The following TMEM38B variants were observed in gnomAD, a reference collection of about 807,000 sequenced individuals.
The protein encoded by TMEM38B is transmembrane protein 38B.
TMEM38B carries 24 observed loss-of-function variants against 28.7 expected under a neutral mutation model. That is an observed-to-expected ratio of 0.84 (90% CI 0.61 to 1.18). The LOEUF is 1.18. Ranked by LOEUF, TMEM38B falls within the 50% of genes most tolerant of loss-of-function variation. TMEM38B has a pLI of 0.00. For missense variants in TMEM38B, 380 were observed against 350.9 expected (o/e 1.08, Z -0.66); for synonymous variants, 131 against 127.7 (o/e 1.03, Z -0.17).
intron 4 of TMEM38B, among the ~76,000 whole-genome samples, chr9:105,728,758 A>G (rs1836619010): frequency 6.6e-6 from 1 of 152,094 alleles, no homozygotes; most frequent in Admixed American, 6.5e-5. Flanking sequence ...TTGACTTTTT[A>G]ATGATCGCCC....
At chr9:105,740,562 G>A (rs1325671059) in intron 4 of TMEM38B, among the ~76,000 whole-genome samples, 1 of 152,028 alleles carries the variant, frequency 6.6e-6, no homozygotes, top group Non-Finnish European at 1.5e-5. Context: ...CACCACGCCC[G>A]GCCCCTAGGT....
chr9:105,731,371 A>G (rs1163776862), intron 4 of TMEM38B, among the ~76,000 whole-genome samples: 1 of 151,918 alleles, frequency 6.6e-6, no homozygotes, highest in East Asian at 1.9e-4. Flanking sequence ...TTTGTTACAT[A>G]TGTATACATG....
intron 2 of TMEM38B, among the ~76,000 whole-genome samples, chr9:105,721,327 C>G (rs1564394300): frequency 6.6e-6 from 1 of 152,136 alleles, no homozygotes; most frequent in Non-Finnish European, 1.5e-5. Context: ...CTTCTCTGAT[C>G]ATGACTTTTT....
intron 4 of TMEM38B, among the ~76,000 whole-genome samples, chr9:105,737,348 A>T (rs1837021294): frequency 1.1e-5 from 1 of 94,664 alleles, no homozygotes; most frequent in South Asian, 2.8e-4. Flanking sequence ...AGGGAGTAAG[A>T]GTCCCAGAGT....
chr9:105,727,487 A>T (rs1836557166), intron 4 of TMEM38B, among the ~76,000 whole-genome samples: 2 of 152,142 alleles, frequency 1.3e-5, no homozygotes, highest in Admixed American at 1.3e-4. Context: ...TGGATTTCAG[A>T]TATTTTTGGA....
intron 1 of TMEM38B, among the ~76,000 whole-genome samples, chr9:105,703,612 G>A (rs9299109): frequency 0.21 from 31,557 of 151,930 alleles, 5,062 homozygotes; most frequent in East Asian, 0.46. Flanking sequence ...AGATCCCTGA[G>A]TAATCGCCAC....
intron 5 of TMEM38B, among the ~76,000 whole-genome samples, chr9:105,768,213 T>C (rs1396162726): frequency 1.3e-5 from 2 of 152,142 alleles, no homozygotes; most frequent in Non-Finnish European, 2.9e-5. Context: ...TATATTCTGT[T>C]AATATAGTGG....
At chr9:105,738,093 A>G (rs1265797900) in intron 4 of TMEM38B, among the ~76,000 whole-genome samples, 2 of 152,104 alleles carry the variant, frequency 1.3e-5, no homozygotes, top group South Asian at 2.1e-4. Context: ...TCTGCTTTCA[A>G]GATGGTGTAG....
intron 5 of TMEM38B, chr9:105,758,654 G>C: frequency 1.3e-6 from 1 of 797,626 alleles, no homozygotes; most frequent in East Asian, 2.5e-5. Flanking sequence ...CTGCAACTTA[G>C]CCATTTAAAA....
chr9:105,709,323 A>G (rs1835807406), intron 2 of TMEM38B, among the ~76,000 whole-genome samples: 1 of 152,176 alleles, frequency 6.6e-6, no homozygotes, highest in Non-Finnish European at 1.5e-5. Context: ...AAAACAAATC[A>G]TTTTTTAATT....
At chr9:105,772,224 T>C (rs1979993) in intron 5 of TMEM38B, among the ~76,000 whole-genome samples, 32,205 of 152,134 alleles carry the variant, frequency 0.21, 5,318 homozygotes, top group East Asian at 0.47. Flanking sequence ...TGGATTCTCA[T>C]CCTTCTTATG....
At chr9:105,710,233 G>T (rs1835851193) in intron 2 of TMEM38B, 1 of 530,232 alleles carries the variant, frequency 1.9e-6, no homozygotes, top group East Asian at 3.4e-5. Context: ...TCCACTTTCA[G>T]ATCTTTCTTG....
chr9:105,765,212 A>T (rs187786297), intron 5 of TMEM38B, among the ~76,000 whole-genome samples: 1 of 152,198 alleles, frequency 6.6e-6, no homozygotes, highest in South Asian at 2.1e-4. Context: ...TTGAGATTAA[A>T]ATTATTTGGG....
chr9:105,758,003 G>A (rs914151665), intron 5 of TMEM38B, among the ~76,000 whole-genome samples: 17 of 152,160 alleles, frequency 1.1e-4, no homozygotes, highest in Admixed American at 5.2e-4. Flanking sequence ...GGTATGGTAC[G>A]GGGCACAACT....
intron 5 of TMEM38B, chr9:105,758,527 C>G: frequency 8.1e-7 from 1 of 1,230,594 alleles, no homozygotes; most frequent in Non-Finnish European, 1.2e-6. Flanking sequence ...CCTAAAGTTA[C>G]AAGACAACAG....
At chr9:105,711,255 A>G (rs1229515852) in intron 2 of TMEM38B, among the ~76,000 whole-genome samples, 1 of 151,320 alleles carries the variant, frequency 6.6e-6, no homozygotes, top group Non-Finnish European at 1.5e-5. Context: ...AGCCTGGCCA[A>G]CATGGTGAAA....
intron 4 of TMEM38B, among the ~76,000 whole-genome samples, chr9:105,747,788 G>A (rs951132704): frequency 6.6e-5 from 10 of 152,072 alleles, no homozygotes; most frequent in African/African-American, 2.4e-4. Flanking sequence ...CGTTGTTCTC[G>A]TTGGTTTCAA....
chr9:105,757,524 C>T (rs892444701), intron 5 of TMEM38B, among the ~76,000 whole-genome samples: 1 of 152,054 alleles, frequency 6.6e-6, no homozygotes, highest in African/African-American at 2.4e-5. Context: ...ATATTCCCAC[C>T]AGCAGTGTAA....
chr9:105,775,949 A>G lies in TMEM38B; in HGVS notation c.*1869A>G, dbSNP rs1352732673. 6.6e-6 allele frequency: 1 copy of G among 152,168 alleles called. No homozygotes were observed. The highest frequency in any genetic ancestry group is 1.5e-5 in the Non-Finnish European group (1 of 68,032). 9.4% of individuals were successfully genotyped at this position (152,168 alleles called of 1,614,324 possible). On this transcript the variant is annotated 3_prime_UTR_variant, in exon 6 of 6. Transcript: ENST00000374692. Reference sequence around the variant, plus strand: ...TGGGACATTGGTAGAAACTTTATTAATCTATGCAAGTATCCTATAACCCTC... The same window carrying G: ...TGGGACATTGGTAGAAACTTTATTAGTCTATGCAAGTATCCTATAACCCTC...
Sources: gnomAD v4.1 joint callset for allele counts (sites outside exome capture counted in the v4.1 genomes callset) on GRCh38, gnomAD v4.1.1 for gene constraint, MANE v1.5 for transcripts, NCBI Gene and HGNC (gene_info 2026-07-23, HGNC 2026-07-21) for gene names.